FLAD1: variants seen among roughly 807,000 people sequenced by gnomAD.
FLAD1 encodes the protein bifunctional FAD diphosphatase/FAD synthase.
In FLAD1, 35 loss-of-function variants were observed where a neutral mutation model predicts 55.0. That is an observed-to-expected ratio of 0.64 (90% CI 0.49 to 0.84). FLAD1 has a LOEUF of 0.84. FLAD1 is among the 40% of genes least tolerant of loss of function. FLAD1 has a pLI of 0.00. For synonymous variants in FLAD1, 267 were observed against 303.0 expected (o/e 0.88, Z 1.23); for missense variants, 665 against 742.6 (o/e 0.90, Z 1.21).
chr1:154,989,761 C>T, intron 3 of FLAD1, 54 bp downstream of exon 3: 1 of 1,468,838 alleles, frequency 6.8e-7, no homozygotes, highest in Non-Finnish European at 9.0e-7. Flanking sequence ...AGTTCCACAT[C>T]CCAGAAAGCA....
Position 154,988,258 on chromosome 1 carries a change from G to A in FLAD1, c.526G>A (p.Ala176Thr). 6.2e-7 allele frequency: 1 copy of A among 1,614,210 alleles called. No individual in the cohort carries two copies. The highest frequency in any genetic ancestry group is 8.5e-7 in the Non-Finnish European group (1 of 1,180,036). The change falls in exon 2 of 7, where the codon GCA becomes ACA. Residue 176 changes from alanine to threonine, a missense_variant. Ala to Thr is a moderately conservative substitution (Grantham distance 58, BLOSUM62 0). Transcript: ENST00000292180. ...FSNRFTHVLT[A>T]GGIGPTHDDV... Reference sequence around the variant, plus strand: ...CAACCGCTTCACCCATGTCCTCACAGCAGGGGGCATCGGCCCCACTCATGA... The same window carrying A: ...CAACCGCTTCACCCATGTCCTCACAACAGGGGGCATCGGCCCCACTCATGA...
chr1:154,992,646 C>T, intron 5 of FLAD1, 67 bp from the exon 6 acceptor site: 1 of 1,614,144 alleles, frequency 6.2e-7, no homozygotes, highest in African/African-American at 1.3e-5. Flanking sequence ...GGCCCCTTCC[C>T]AGGACAGCAG....
intron 1 of FLAD1, among the ~76,000 whole-genome samples, chr1:154,984,708 CAAAAAAAAAA>C (rs201533169): frequency 3.4e-5 from 2 of 58,510 alleles, no homozygotes; most frequent in Non-Finnish European, 4.1e-5. Context: ...AACTCCGTCT[CAAAAAAAAAA>C]AAAAAAAAAA....
At chr1:154,990,595 C>T in intron 5 of FLAD1, 67 bp downstream of exon 5, 3 of 1,434,518 alleles carry the variant, frequency 2.1e-6, no homozygotes, top group Non-Finnish European at 2.8e-6. Context: ...CCCTAGCTCA[C>T]CTGCAGTAGT....
intron 1 of FLAD1, among the ~76,000 whole-genome samples, chr1:154,986,897 C>T (rs1343871023): frequency 2.0e-5 from 3 of 151,716 alleles, no homozygotes; most frequent in South Asian, 2.1e-4. Context: ...CACACCTGGT[C>T]GGCAAAAAAT....
chr1:154,986,680 AGCAACCTT>A (rs1657622757), intron 1 of FLAD1, among the ~76,000 whole-genome samples: 2 of 147,378 alleles, frequency 1.4e-5, no homozygotes, highest in South Asian at 4.3e-4. Context: ...TACAGGCATG[AGCAACCTT>A]GCCCAGCCCC....
chr1:154,989,420 G>A (rs184603461), intron 2 of FLAD1, 140 bp from the exon 3 acceptor site: 26 of 838,254 alleles, frequency 3.1e-5, no homozygotes, highest in Middle Eastern at 2.7e-4. Flanking sequence ...AGGGCCTAGC[G>A]GGCAGCATGA....
chr1:154,990,662 T>G lies in FLAD1; in HGVS notation c.1554+134T>G, dbSNP rs1571488919. On this transcript the variant is annotated intron_variant, in intron 5 of 6. Transcript: ENST00000292180. ...GGGCCTCATCATCCAAGGGAGGCAG[T>G]GCTATCTGTTCATTCATCCTTTTGA... 4.9e-6 allele frequency: 4 copies of G among 822,478 alleles called. No homozygotes were observed. The East Asian group carries it at 8.4e-5, about 17-fold the overall frequency. The allele number at this position is 822,478 out of a possible 1,614,324, so 50.9% of individuals were successfully genotyped here.
At chr1:154,991,197 ACT>A (rs1489972623) in intron 5 of FLAD1, 3 of 106,210 alleles carry the variant, frequency 2.8e-5, no homozygotes, top group African/African-American at 1.1e-4. Context: ...ACAGAACAAG[ACT>A]CTGTCTCAAA....
chr1:154,987,768 T>C lies in FLAD1; in HGVS notation c.373-337T>C. The C allele has an allele frequency of 6.4e-6, 3 of 469,380 alleles. No homozygotes were observed. The Admixed American group carries it at 1.2e-4, about 18-fold the overall frequency. 29.1% of individuals were successfully genotyped at this position (469,380 alleles called of 1,614,324 possible). A position where few individuals can be genotyped will look rare whatever the true frequency, so the allele number is the denominator to read the frequency against. On this transcript the variant is annotated intron_variant, in intron 1 of 6. Coordinates refer to ENST00000292180, the MANE Select transcript of FLAD1 (RefSeq NM_025207.5). The stretch of plus-strand genomic sequence containing the variant: ...CCTGGGCAACATGGCAAGACCCCAT[T>C]TCTACAAAAAAAATTTAAAATGAGC...
chr1:154,985,292 G>T (rs1441008466), intron 1 of FLAD1, among the ~76,000 whole-genome samples: 1 of 148,018 alleles, frequency 6.8e-6, no homozygotes, highest in Non-Finnish European at 1.5e-5. Flanking sequence ...TGCATTGGTG[G>T]GATCTCAGCT....
At chr1:154,991,414 G>A (rs1657862305) in intron 5 of FLAD1, among the ~76,000 whole-genome samples, 2 of 150,908 alleles carry the variant, frequency 1.3e-5, no homozygotes, top group Non-Finnish European at 2.9e-5. Flanking sequence ...AATTAGCGGA[G>A]CGTGGTGGCA....
intron 1 of FLAD1, among the ~76,000 whole-genome samples, chr1:154,984,708 C>CAA (rs201533169): frequency 6.5e-4 from 38 of 58,208 alleles, no homozygotes; most frequent in East Asian, 3.2e-3. Flanking sequence ...AACTCCGTCT[C>CAA]AAAAAAAAAA....
At position 154,990,227 on chromosome 1, in the gene FLAD1, T is replaced by C; in HGVS notation, c.1334T>C (p.Leu445Pro). The part of the protein sequence containing the change: ...YIRSISPFPE[L>P]EQFLQDTIKR... ...CGCAGCATCTCCCCTTTCCCTGAGC[T>C]GGAACAGTTTCTACAGGACACTATC... Residue 445 changes from leucine to proline, a missense_variant, in exon 4 of 7, where the codon CTG becomes CCG. Transcript: ENST00000292180. The C allele has an allele frequency of 6.2e-7, 1 of 1,614,148 alleles. No homozygotes were observed. Among genetic ancestry groups the C allele is most frequent in the Non-Finnish European group, 8.5e-7 (1 of 1,179,988 alleles).
In FLAD1 at chr1:154,989,546, T is replaced by C. The variant is rs758282575; in HGVS notation, c.1118-14T>C. On this transcript the variant is annotated splice_polypyrimidine_tract_variant and intron_variant, in intron 2 of 6. Transcript: ENST00000292180. The stretch of plus-strand genomic sequence containing the variant: ...TGTGTCCATCTGATGCCCTCTTCCC[T>C]GCCTGCTTGGCAGGGTCTTCTTTGG... 6.4e-6 allele frequency: 10 copies of C among 1,552,100 alleles called. No individual in the cohort carries two copies. The highest frequency in any genetic ancestry group is 8.7e-6 in the Non-Finnish European group (10 of 1,148,674).
At chr1:154,985,253 A>G (rs1321086177) in intron 1 of FLAD1, among the ~76,000 whole-genome samples, 2 of 141,212 alleles carry the variant, frequency 1.4e-5, no homozygotes, top group East Asian at 4.0e-4. Flanking sequence ...TTTTTTTTAG[A>G]TAGTCTCACT....
At chr1:154,984,177 C>A in intron 1 of FLAD1, 111 bp downstream of exon 1, 1 of 966,926 alleles carries the variant, frequency 1.0e-6, no homozygotes, top group Non-Finnish European at 1.4e-6. Flanking sequence ...CTCTTTGCTG[C>A]AGTAGGATCC....
rs1365352591 is a variant in FLAD1, at chr1:154,983,510, G to C, written c.-185G>C. On this transcript the variant is annotated 5_prime_UTR_variant, in exon 1 of 7. Transcript: ENST00000292180. ...AGAGACGGGATTTTGGTCCGGGGTG[G>C]AGAGCGAATGCATTGAAAAGGGCCA... The C allele has an allele frequency of 1.8e-6, 1 of 543,778 alleles. No individual in the cohort carries two copies. The highest frequency in any genetic ancestry group is 1.9e-5 in the African/African-American group (1 of 53,024). 33.7% of individuals were successfully genotyped at this position (543,778 alleles called of 1,614,324 possible).
rs1367824275 is a variant in FLAD1 at position 154,983,875 on chromosome 1, T to C, written c.181T>C (p.Tyr61His). 1.2e-6 allele frequency: 2 copies of C among 1,614,112 alleles called. No homozygotes were observed. The highest frequency in any genetic ancestry group is 3.3e-5 in the Admixed American group (2 of 60,022). ...PSTQDPLFPG[Y>H]GPQCPVDLAG... The stretch of plus-strand genomic sequence containing the variant: ...GACCCAGGACCCCCTGTTCCCAGGC[T>C]ATGGCCCCCAGTGCCCTGTAGACCT... The change falls in exon 1 of 7, where the codon TAT becomes CAT. Residue 61 changes from tyrosine (Y) to histidine (H), a missense_variant. Physicochemically the swap from Tyr to His is moderately conservative, Grantham distance 83 (BLOSUM62 2). Coordinates refer to ENST00000292180, the MANE Select transcript of FLAD1 (RefSeq NM_025207.5).
Sources: allele counts gnomAD v4.1 joint callset (sites outside exome capture counted in the v4.1 genomes callset), GRCh38; gene constraint gnomAD v4.1.1; transcripts MANE v1.5; gene names NCBI Gene and HGNC (gene_info 2026-07-23, HGNC 2026-07-21).